Variants in ACTR3C observed in about 807,000 individuals in gnomAD.
The protein encoded by ACTR3C is actin-related protein 3C.
ACTR3C carries 18 observed loss-of-function variants against 26.3 expected under a neutral mutation model. That is an observed-to-expected ratio of 0.68 (90% confidence interval 0.47 to 1.01). ACTR3C has a LOEUF of 1.01. ACTR3C is among the 50% of genes least tolerant of loss of function. The pLI is 0.00. For missense variants in ACTR3C, 184 were observed against 250.7 expected (o/e 0.73, Z 1.80); for synonymous variants, 55 against 94.5 (o/e 0.58, Z 2.42).
chr7:149,990,540 T>C, the ACTR3C span, among the ~76,000 whole-genome samples: 23 of 125,676 alleles, frequency 1.8e-4, no homozygotes, highest in Non-Finnish European at 6.6e-5. Context: ...GGCCTAGCGG[T>C]TGGAGATGCA....
rs538052063 is a variant in ACTR3C, at chr7:150,260,333, T to C, written c.565-11279A>G. Among the ~76,000 whole-genome samples, 8 of 152,324 alleles carry C rather than the reference T, an allele frequency of 5.3e-5. No individual in the cohort carries two copies. In the South Asian group the frequency reaches 1.2e-3, roughly 24 times the overall value. On this transcript the variant is annotated intron_variant, in intron 6 of 7. Transcript: ENST00000683684. ...ATGGTCAATTTTATGTTCTGTTTGA[T>C]TACAAGTATGTCCAGATCAGAGAAT...
At position 150,284,770 on chromosome 7, in the gene ACTR3C, G is replaced by A. The variant is rs746198308; in HGVS notation, c.547C>T (p.Arg183Trp). The A allele has an allele frequency of 9.3e-6, 15 of 1,612,386 alleles. No homozygotes were observed. Among genetic ancestry groups the A allele is most frequent in the African/African-American group, 5.3e-5 (4 of 74,818 alleles). The change falls in exon 6 of 8, where the codon CGG becomes TGG. Residue 183 changes from arginine (R) to tryptophan (W), a missense_variant. Arg to Trp is a moderately radical substitution (Grantham distance 101). Transcript: ENST00000683684. The stretch of plus-strand genomic sequence containing the variant: ...GCTCATACCTTATACAGCGGACGCC[G>A]CACATCGATGGGGCAGTTCTGTATT... The part of the protein sequence containing the change: ...EVIQNCPIDV[R>W]RPLYKMEQIP...
the ACTR3C span, among the ~76,000 whole-genome samples, chr7:149,914,903 G>A: frequency 8.0e-5 from 12 of 149,604 alleles, 1 homozygote; most frequent in Non-Finnish European, 1.5e-4. Context: ...TTTTTTGGAC[G>A]GAGTCTTGCT....
intron 6 of ACTR3C, among the ~76,000 whole-genome samples, chr7:150,251,581 G>A (rs1832858356): frequency 6.6e-6 from 1 of 152,012 alleles, no homozygotes; most frequent in African/African-American, 2.4e-5. Flanking sequence ...GATTGATGAT[G>A]GTTTGTGTCT....
chr7:150,073,793 C>A, the ACTR3C span: 1 of 151,888 alleles, frequency 6.6e-6, no homozygotes, highest in Non-Finnish European at 1.5e-5. Flanking sequence ...AGAATATTAC[C>A]GAATTCATTA....
the ACTR3C span, among the ~76,000 whole-genome samples, chr7:149,941,816 T>C: frequency 6.6e-6 from 1 of 152,120 alleles, no homozygotes; most frequent in Admixed American, 6.5e-5. Flanking sequence ...CTAATGAGAA[T>C]GGTATTGCGA....
At chr7:150,142,721 G>A in the ACTR3C span, among the ~76,000 whole-genome samples, 2 of 151,962 alleles carry the variant, frequency 1.3e-5, no homozygotes, top group Non-Finnish European at 2.9e-5. Flanking sequence ...TAGAGATGGG[G>A]TTTTACTATG....
chr7:150,228,846 TATA>T, the ACTR3C span, among the ~76,000 whole-genome samples: 1 of 149,202 alleles, frequency 6.7e-6, no homozygotes, highest in Non-Finnish European at 1.5e-5. Flanking sequence ...AAAATTTATG[TATA>T]ATACTATATA....
the ACTR3C span, among the ~76,000 whole-genome samples, chr7:149,985,608 C>T: frequency 7.9e-5 from 12 of 152,212 alleles, no homozygotes; most frequent in East Asian, 1.9e-4. Context: ...CTACTGAACA[C>T]GTGCTCTCTG....
At chr7:149,985,589 C>T in the ACTR3C span, among the ~76,000 whole-genome samples, 1 of 152,218 alleles carries the variant, frequency 6.6e-6, no homozygotes, top group African/African-American at 2.4e-5. Flanking sequence ...CCACCCAATC[C>T]AGCTTGTGCT....
the ACTR3C span, chr7:150,047,581 C>T: frequency 9.5e-7 from 1 of 1,051,864 alleles, no homozygotes. Context: ...GCCCCCGCCG[C>T]CGTCCCCCGC....
At chr7:149,990,446 G>A in the ACTR3C span, among the ~76,000 whole-genome samples, 1 of 124,068 alleles carries the variant, frequency 8.1e-6, no homozygotes, top group Non-Finnish European at 1.7e-5. Context: ...TCACCAGAAT[G>A]TCAATCACAT....
chr7:149,941,487 G>T, the ACTR3C span, among the ~76,000 whole-genome samples: 1 of 152,234 alleles, frequency 6.6e-6, no homozygotes, highest in East Asian at 1.9e-4. Flanking sequence ...AACAGATGCA[G>T]CCTCTGACCT....
rs556616594 is a variant in ACTR3C at position 150,263,504 on chromosome 7, T to A, written c.565-14450A>T. Among the ~76,000 whole-genome samples the A allele has an allele frequency of 1.4e-4, 21 of 147,390 alleles. No homozygotes were observed. The East Asian group carries it at 4.2e-3, about 30-fold the overall frequency. ...AAGAAACAGAGGATTAAGTAAGAAG[T>A]CTCAAATTAATCCCTTTGAAGTATC... On this transcript the variant is annotated intron_variant, in intron 6 of 7. Transcript: ENST00000683684.
chr7:150,009,187 C>A, the ACTR3C span, among the ~76,000 whole-genome samples: 1 of 152,206 alleles, frequency 6.6e-6, no homozygotes, highest in East Asian at 1.9e-4. Flanking sequence ...CCGTTTCAGC[C>A]AATGGTGCTG....
At chr7:150,049,545 C>T in the ACTR3C span, among the ~76,000 whole-genome samples, 1 of 152,272 alleles carries the variant, frequency 6.6e-6, no homozygotes, top group East Asian at 1.9e-4. Flanking sequence ...TTCAAAATAA[C>T]AGGCTCGGCC....
chr7:150,297,851 C>CAAAA (rs35970305), intron 1 of ACTR3C, among the ~76,000 whole-genome samples: 8 of 87,066 alleles, frequency 9.2e-5, no homozygotes, highest in African/African-American at 1.3e-4. Flanking sequence ...GACTCCGTCT[C>CAAAA]AAAAAAAAAA....
At chr7:150,292,607 T>C (rs1836362864) in intron 3 of ACTR3C, among the ~76,000 whole-genome samples, 1 of 151,798 alleles carries the variant, frequency 6.6e-6, no homozygotes, top group Admixed American at 6.6e-5. Flanking sequence ...TTCAAGCGAT[T>C]CTCCTGCCTC....
At chr7:149,971,796 T>C in the ACTR3C span, among the ~76,000 whole-genome samples, 9,122 of 152,234 alleles carry the variant, frequency 0.06, 759 homozygotes, top group African/African-American at 0.19. Context: ...CTCCTAGTGA[T>C]ATTTTAGTAA....
Sources: gnomAD v4.1 joint callset for allele counts (sites outside exome capture counted in the v4.1 genomes callset) on GRCh38, gnomAD v4.1.1 for gene constraint, MANE v1.5 for transcripts, NCBI Gene and HGNC (gene_info 2026-07-23, HGNC 2026-07-21) for gene names.